The following RC3H1 variants were observed in gnomAD, a reference collection of about 807,000 sequenced individuals.
RC3H1 encodes the protein ring finger and CCCH-type domains 1.
In RC3H1, 50 loss-of-function variants were observed where a neutral mutation model predicts 138.2. The observed-to-expected ratio is 0.36, with a 90% CI of 0.29 to 0.46. The LOEUF (loss-of-function observed/expected upper bound fraction) is 0.46, where lower values mean the gene tolerates loss of function less well. RC3H1 is among the 20% of genes least tolerant of loss of function. The pLI is 1.00. For synonymous variants in RC3H1, 462 were observed against 489.1 expected (o/e 0.94, Z 0.73); for missense variants, 1,031 against 1,388.1 (o/e 0.74, Z 4.09).
chr1:174,017,753 A>C (rs1416062626), intron 1 of RC3H1, among the ~76,000 whole-genome samples: 1 of 144,344 alleles, frequency 6.9e-6, no homozygotes, highest in East Asian at 2.2e-4. Flanking sequence ...CTGTAGATAA[A>C]ACTGACCCCT....
chr1:173,972,030 T>G (rs1188507098), intron 8 of RC3H1, among the ~76,000 whole-genome samples: 1 of 152,112 alleles, frequency 6.6e-6, no homozygotes, highest in Non-Finnish European at 1.5e-5. Context: ...GAGGGAGATT[T>G]GGCCCAATGG....
intron 2 of RC3H1, among the ~76,000 whole-genome samples, chr1:173,988,471 T>C (rs576373640): frequency 6.6e-6 from 1 of 152,376 alleles, no homozygotes; most frequent in South Asian, 2.1e-4. Context: ...CCACTGTTTA[T>C]CCATTCACCT....
At chr1:173,984,439 T>A in intron 3 of RC3H1, 60 bp downstream of exon 3, 1 of 1,527,130 alleles carries the variant, frequency 6.5e-7, no homozygotes, top group Non-Finnish European at 8.9e-7. Flanking sequence ...TATAGGATTA[T>A]GTACTGAGTA....
intron 2 of RC3H1, among the ~76,000 whole-genome samples, chr1:173,985,878 T>C (rs1661005510): frequency 6.6e-6 from 1 of 152,246 alleles, no homozygotes; most frequent in Non-Finnish European, 1.5e-5. Context: ...TCCATTTGTA[T>C]ATCTTCTCTG....
intron 16 of RC3H1, 47 bp downstream of exon 16, chr1:173,946,699 T>C (rs1372316628): frequency 3.8e-6 from 6 of 1,597,466 alleles, no homozygotes; most frequent in Non-Finnish European, 5.1e-6. Flanking sequence ...GTTGCCTAAT[T>C]TTAAAGGTTT....
At chr1:174,015,249 C>CTTT (rs372400145) in intron 1 of RC3H1, among the ~76,000 whole-genome samples, 15 of 139,938 alleles carry the variant, frequency 1.1e-4, no homozygotes, top group Admixed American at 2.2e-4. Flanking sequence ...AATTATAGGC[C>CTTT]TTTTTTTTTT....
In RC3H1 at chr1:173,936,038, A is replaced by G. The variant is rs1658569013; in HGVS notation, c.*2683T>C. 1 of 152,236 alleles carries G rather than the reference A, an allele frequency of 6.6e-6. No individual in the cohort carries two copies. Among genetic ancestry groups the G allele is most frequent in the African/African-American group, 2.4e-5 (1 of 41,466 alleles). 9.4% of individuals were successfully genotyped at this position (152,236 alleles called of 1,614,324 possible). A position where few individuals can be genotyped will look rare whatever the true frequency, so the allele number is the denominator to read the frequency against. Reference sequence around the variant, plus strand: ...TACAGTGACTTTTCTGGTTTTGTTCAGAACAGGAATACTGTATAAATTAAT... The same window carrying G: ...TACAGTGACTTTTCTGGTTTTGTTCGGAACAGGAATACTGTATAAATTAAT... On this transcript the variant is annotated 3_prime_UTR_variant, in exon 20 of 20. Transcript: ENST00000367696.
intron 13 of RC3H1, among the ~76,000 whole-genome samples, chr1:173,952,787 T>G (rs1659471672): frequency 6.6e-6 from 1 of 152,216 alleles, no homozygotes; most frequent in Non-Finnish European, 1.5e-5. Context: ...GTATTTTCAC[T>G]AAAATTGCAA....
chr1:174,005,781 A>C (rs992314784), intron 1 of RC3H1, among the ~76,000 whole-genome samples: 2 of 152,230 alleles, frequency 1.3e-5, no homozygotes, highest in African/African-American at 4.8e-5. Flanking sequence ...CCAGCTCAAC[A>C]TACTTAAGCT....
At chr1:173,981,057 A>G in intron 5 of RC3H1, 48 bp from the exon 6 acceptor site, 1 of 1,485,438 alleles carries the variant, frequency 6.7e-7, no homozygotes, top group Non-Finnish European at 9.3e-7. Flanking sequence ...AAATGAGTTT[A>G]TGCTTTATAT....
At chr1:173,940,853 C>G (rs1341472725) in intron 19 of RC3H1, among the ~76,000 whole-genome samples, 44 of 149,448 alleles carry the variant, frequency 2.9e-4, no homozygotes. Flanking sequence ...GACCGTGTCT[C>G]ACTCTGCTGC....
chr1:173,960,401 A>C (rs1027574223), intron 13 of RC3H1, among the ~76,000 whole-genome samples: 2 of 152,244 alleles, frequency 1.3e-5, no homozygotes, highest in African/African-American at 4.8e-5. Context: ...AGGTGAAATT[A>C]ATTTTAATAA....
chr1:174,003,448 C>T (rs1248540513), intron 1 of RC3H1, among the ~76,000 whole-genome samples: 3 of 151,542 alleles, frequency 2.0e-5, no homozygotes, highest in Non-Finnish European at 2.9e-5. Context: ...TGACTACTCT[C>T]TTTTCTCACA....
intron 18 of RC3H1, among the ~76,000 whole-genome samples, chr1:173,941,897 C>A (rs1658880508): frequency 6.6e-6 from 1 of 150,682 alleles, no homozygotes; most frequent in Admixed American, 6.6e-5. Context: ...CACCACTGCA[C>A]TCCCCACCTG....
chr1:173,938,570 A>T lies in RC3H1; in HGVS notation c.*151T>A, dbSNP rs1020172258. On this transcript the variant is annotated 3_prime_UTR_variant, in exon 20 of 20. Coordinates refer to ENST00000367696, the MANE Select transcript of RC3H1 (RefSeq NM_172071.4). ...TGAACTATGTGCAGGGTTTGTTTTT[A>T]GTAGTGGTGTTTGTGCACATTGCCT... 9.8e-6 allele frequency: 5 copies of T among 510,238 alleles called. No individual in the cohort carries two copies. Among genetic ancestry groups the T allele is most frequent in the African/African-American group, 7.7e-5 (4 of 51,630 alleles). The allele number at this position is 510,238 out of a possible 1,614,324, so 31.6% of individuals were successfully genotyped here.
chr1:173,938,724 A>G lies in RC3H1; in HGVS notation c.3399T>C (p.Pro1133=). The G allele has an allele frequency of 6.3e-7, 1 of 1,599,614 alleles. No homozygotes were observed. The highest frequency in any genetic ancestry group is 2.2e-5 in the East Asian group (1 of 44,656). The change falls in exon 20 of 20, where the codon CCT becomes CCC. Residue 1133 remains proline, a synonymous_variant. Coordinates refer to ENST00000367696, the MANE Select transcript of RC3H1 (RefSeq NM_172071.4). ...TAAAAGTAGGACTCCTCATATTTTA[A>G]GGAGCAGAACTGGGAGTAACTCCTG... ...QRSGVTPSSA[P]
At position 173,937,512 on chromosome 1, in the gene RC3H1, C is replaced by T. The variant is rs1309255036; in HGVS notation, c.*1209G>A. 6.8e-6 allele frequency: 1 copy of T among 147,068 alleles called. No individual in the cohort carries two copies. Among genetic ancestry groups the T allele is most frequent in the East Asian group, 2.0e-4 (1 of 5,118 alleles). 9.1% of individuals were successfully genotyped at this position (147,068 alleles called of 1,614,324 possible). A position where few individuals can be genotyped will look rare whatever the true frequency, so the allele number is the denominator to read the frequency against. ...ACACATGGCATCAGAATATGTGCAG[C>T]AGAATTAAAAAAAAAAAAAACCTTA... is the stretch of plus-strand genomic sequence containing the variant. On this transcript the variant is annotated 3_prime_UTR_variant, in exon 20 of 20. Coordinates refer to ENST00000367696, the MANE Select transcript of RC3H1 (RefSeq NM_172071.4).
chr1:174,013,478 T>G (rs1403508700), intron 1 of RC3H1, among the ~76,000 whole-genome samples: 1 of 151,570 alleles, frequency 6.6e-6, no homozygotes, highest in Admixed American at 6.6e-5. Flanking sequence ...GGTCTCACTC[T>G]GTCGCCAGGC....
At position 174,005,926 on chromosome 1, in the gene RC3H1, C is replaced by T. The variant is rs142133840; in HGVS notation, c.-150-12791G>A. 1.1e-3 allele frequency among the ~76,000 whole-genome samples: 175 copies of T among 152,266 alleles called. 1 individual carries two copies. Among genetic ancestry groups the T allele is most frequent in the African/African-American group, 4.1e-3 (171 of 41,544 alleles). ...GTGACAATCTGAAGACCATTCCTGG[C>T]CGGGCGCGGTGGCTCATGCCTGTAA... On this transcript the variant is annotated intron_variant, in intron 1 of 19. Coordinates refer to ENST00000367696, the MANE Select transcript of RC3H1 (RefSeq NM_172071.4).
Sources: allele counts gnomAD v4.1 joint callset (sites outside exome capture counted in the v4.1 genomes callset), GRCh38; gene constraint gnomAD v4.1.1; transcripts MANE v1.5; gene names NCBI Gene and HGNC (gene_info 2026-07-23, HGNC 2026-07-21).